Variants in KHDRBS2 observed in about 807,000 individuals in gnomAD.
The protein encoded by KHDRBS2 is KH RNA binding domain containing, signal transduction associated 2.
A neutral mutation model predicts 44.3 loss-of-function variants in KHDRBS2; 26 were observed. The ratio of observed to expected loss-of-function variants is 0.59; its 90% CI spans 0.43 to 0.81. KHDRBS2 has a LOEUF of 0.81. Ranked by LOEUF, KHDRBS2 falls within the 40% of genes least tolerant of loss-of-function variation. The probability of loss-of-function intolerance (pLI) is 0.00; values close to 1 mark genes in which losing one functional copy is unlikely to be tolerated. For missense variants in KHDRBS2, 476 were observed against 433.1 expected (o/e 1.10, Z -0.88); for synonymous variants, 194 against 151.1 (o/e 1.28, Z -2.08).
At chr6:61,556,420 A>C in the KHDRBS2 span, among the ~76,000 whole-genome samples, 1 of 152,218 alleles carries the variant, frequency 6.6e-6, no homozygotes, top group Non-Finnish European at 1.5e-5. Flanking sequence ...GACAAATACA[A>C]GTTTTTCACA....
chr6:61,626,877 T>G, the KHDRBS2 span, among the ~76,000 whole-genome samples: 2 of 152,186 alleles, frequency 1.3e-5, no homozygotes, highest in Non-Finnish European at 2.9e-5. Flanking sequence ...CTTCAGTTTT[T>G]TTTTTGGAGT....
the KHDRBS2 span, among the ~76,000 whole-genome samples, chr6:61,619,562 C>G: frequency 6.6e-6 from 1 of 152,210 alleles, no homozygotes; most frequent in African/African-American, 2.4e-5. Flanking sequence ...TCTAGTGATT[C>G]TCCTGCCTCA....
chr6:61,632,020 A>G, the KHDRBS2 span, among the ~76,000 whole-genome samples: 9 of 152,326 alleles, frequency 5.9e-5, no homozygotes, highest in East Asian at 1.7e-3. Flanking sequence ...AGAACAAGGT[A>G]AAAGTTGGTT....
intron 1 of KHDRBS2, among the ~76,000 whole-genome samples, chr6:62,198,710 G>C (rs1318951037): frequency 6.6e-6 from 1 of 152,182 alleles, no homozygotes; most frequent in Non-Finnish European, 1.5e-5. Flanking sequence ...AACAGAAAAA[G>C]AGGGAATCCT....
chr6:62,250,245 T>C (rs1369676993), intron 1 of KHDRBS2, among the ~76,000 whole-genome samples: 2 of 152,122 alleles, frequency 1.3e-5, no homozygotes, highest in African/African-American at 4.8e-5. Flanking sequence ...TGTTTAGACA[T>C]GCTTATCCAC....
Position 62,192,425 on chromosome 6 carries a change from G to T in KHDRBS2, c.92-15113C>A, listed in dbSNP as rs9351733. 2.6e-5 allele frequency among the ~76,000 whole-genome samples: 4 copies of T among 152,138 alleles called. No homozygotes were observed. In the East Asian group the frequency reaches 7.7e-4, roughly 29 times the overall value. ...TCAGCAACTCAAGTTGCATTGGTTTGGTTCAAATGAAAAGACTTTTTTCCT... is the reference window on the plus strand; with the variant it reads ...TCAGCAACTCAAGTTGCATTGGTTTTGTTCAAATGAAAAGACTTTTTTCCT... On this transcript the variant is annotated intron_variant, in intron 1 of 8. Coordinates refer to ENST00000281156, the MANE Select transcript of KHDRBS2 (RefSeq NM_152688.4).
At chr6:61,988,192 G>T (rs147943876) in intron 3 of KHDRBS2, among the ~76,000 whole-genome samples, 1,882 of 152,250 alleles carry the variant, frequency 0.012, 20 homozygotes, top group Non-Finnish European at 0.017. Context: ...TAATAAAAGG[G>T]TGTTGTCCAA....
At chr6:61,722,514 A>C (rs1772803625) in intron 7 of KHDRBS2, among the ~76,000 whole-genome samples, 1 of 152,118 alleles carries the variant, frequency 6.6e-6, no homozygotes, top group Non-Finnish European at 1.5e-5. Context: ...TTCTATGTTC[A>C]CTTATGCTAA....
the KHDRBS2 span, among the ~76,000 whole-genome samples, chr6:61,589,327 T>C: frequency 1.4e-4 from 21 of 152,318 alleles, no homozygotes; most frequent in African/African-American, 3.6e-4. Context: ...AATTCTAGCT[T>C]TGACCTTTTA....
chr6:62,018,508 C>T (rs1419979424), intron 3 of KHDRBS2, among the ~76,000 whole-genome samples: 1 of 152,040 alleles, frequency 6.6e-6, no homozygotes, highest in East Asian at 1.9e-4. Context: ...CCACCACGCC[C>T]GGCTAATTTT....
At chr6:62,057,326 C>T (rs902752261) in intron 2 of KHDRBS2, among the ~76,000 whole-genome samples, 6 of 151,712 alleles carry the variant, frequency 4.0e-5, no homozygotes, top group African/African-American at 1.5e-4. Flanking sequence ...AGATCAGATA[C>T]CATTTCTATT....
the KHDRBS2 span, among the ~76,000 whole-genome samples, chr6:61,583,703 T>C: frequency 6.6e-6 from 1 of 151,634 alleles, no homozygotes; most frequent in Non-Finnish European, 1.5e-5. Flanking sequence ...GTTCCTTTGT[T>C]TTTTTAAAAT....
chr6:62,139,026 T>C (rs956978973), intron 2 of KHDRBS2, among the ~76,000 whole-genome samples: 3 of 152,122 alleles, frequency 2.0e-5, no homozygotes, highest in African/African-American at 7.2e-5. Context: ...CTTTTTATCA[T>C]GAAATGGGTA....
intron 7 of KHDRBS2, among the ~76,000 whole-genome samples, chr6:61,722,763 A>T (rs916020147): frequency 6.6e-6 from 1 of 151,286 alleles, no homozygotes; most frequent in African/African-American, 2.4e-5. Flanking sequence ...AGGCTGGAGT[A>T]CAGTGGCGCG....
At chr6:61,625,405 T>G in the KHDRBS2 span, among the ~76,000 whole-genome samples, 1 of 149,992 alleles carries the variant, frequency 6.7e-6, no homozygotes, top group Non-Finnish European at 1.5e-5. Context: ...CATGGAAGTG[T>G]ACCACGCAGA....
At chr6:61,766,593 T>A (rs1780045408) in intron 6 of KHDRBS2, among the ~76,000 whole-genome samples, 1 of 152,066 alleles carries the variant, frequency 6.6e-6, no homozygotes, top group Non-Finnish European at 1.5e-5. Context: ...GATGTAGGCA[T>A]ATATAGCTAT....
intron 8 of KHDRBS2, 49 bp downstream of exon 8, chr6:61,697,146 G>A (rs1236882874): frequency 2.6e-6 from 3 of 1,144,216 alleles, no homozygotes; most frequent in African/African-American, 1.5e-5. Context: ...AATTGTCGGT[G>A]ACTGATGGAT....
chr6:61,896,370 T>C (rs1802943207), intron 5 of KHDRBS2, among the ~76,000 whole-genome samples: 1 of 152,226 alleles, frequency 6.6e-6, no homozygotes, highest in South Asian at 2.1e-4. Context: ...TATAACTACC[T>C]AGGCTTAAGA....
At chr6:61,571,703 T>C in the KHDRBS2 span, among the ~76,000 whole-genome samples, 11 of 152,268 alleles carry the variant, frequency 7.2e-5, no homozygotes, top group East Asian at 2.1e-3. Flanking sequence ...ATTGAAATTA[T>C]ATCAAGTATC....
Sources: gnomAD v4.1 joint callset for allele counts (sites outside exome capture counted in the v4.1 genomes callset) on GRCh38, gnomAD v4.1.1 for gene constraint, MANE v1.5 for transcripts, NCBI Gene and HGNC (gene_info 2026-07-23, HGNC 2026-07-21) for gene names.